The following SEMA5A variants were observed in gnomAD, a reference collection of about 807,000 sequenced individuals.
The protein encoded by SEMA5A is semaphorin-5A.
SEMA5A carries 55 observed loss-of-function variants against 135.5 expected under a neutral mutation model. The ratio of observed to expected loss-of-function variants is 0.41; its 90% CI spans 0.33 to 0.51. The LOEUF (loss-of-function observed/expected upper bound fraction) is 0.51. Ranked by LOEUF, SEMA5A falls within the 20% of genes least tolerant of loss-of-function variation. The probability of loss-of-function intolerance (pLI) is 0.37; values close to 1 mark genes in which losing one functional copy is unlikely to be tolerated. For missense variants in SEMA5A, 1,290 were observed against 1,419.9 expected (o/e 0.91, Z 1.47); for synonymous variants, 580 against 546.5 (o/e 1.06, Z -0.85).
In SEMA5A at chr5:9,207,346, C is replaced by T. The variant is rs531723847; in HGVS notation, c.647-5106G>A. Among the ~76,000 whole-genome samples, 8 of 151,746 alleles carry T rather than the reference C, an allele frequency of 5.3e-5. No homozygotes were observed. In the East Asian group the frequency reaches 7.8e-4, roughly 15 times the overall value. Reference sequence around the variant, plus strand: ...GATTCCAGGTGTGCACCACCACACCCGGCTAATTTTGTATTTTTAATAGAG... The same window carrying T: ...GATTCCAGGTGTGCACCACCACACCTGGCTAATTTTGTATTTTTAATAGAG... On this transcript the variant is annotated intron_variant, in intron 8 of 22. Coordinates refer to ENST00000382496, the MANE Select transcript of SEMA5A (RefSeq NM_003966.3).
At chr5:9,373,858 G>A (rs892643324) in intron 3 of SEMA5A, among the ~76,000 whole-genome samples, 1 of 152,202 alleles carries the variant, frequency 6.6e-6, no homozygotes, top group African/African-American at 2.4e-5. Flanking sequence ...TATAACAGGA[G>A]CATGCTCTCT....
chr5:9,121,719 C>A (rs1740821837), intron 14 of SEMA5A, among the ~76,000 whole-genome samples: 1 of 152,136 alleles, frequency 6.6e-6, no homozygotes, highest in Admixed American at 6.5e-5. Context: ...AAACCCTAAT[C>A]TCTGTGGCCC....
intron 3 of SEMA5A, among the ~76,000 whole-genome samples, chr5:9,355,166 G>T (rs1258045879): frequency 2.0e-5 from 3 of 152,176 alleles, no homozygotes; most frequent in Admixed American, 2.0e-4. Context: ...GGGTGTGGCT[G>T]GGTTCCACTA....
At chr5:9,171,572 T>C (rs1452715995) in intron 11 of SEMA5A, among the ~76,000 whole-genome samples, 1 of 152,178 alleles carries the variant, frequency 6.6e-6, no homozygotes, top group Non-Finnish European at 1.5e-5. Flanking sequence ...GACTTTCCAG[T>C]GAGACTCCCC....
At chr5:9,358,590 C>T (rs1160687262) in intron 3 of SEMA5A, among the ~76,000 whole-genome samples, 4 of 152,212 alleles carry the variant, frequency 2.6e-5, no homozygotes, top group African/African-American at 9.6e-5. Context: ...TCCTACACTC[C>T]CAGTGCCTAA....
chr5:9,090,588 A>G (rs1456764076), intron 16 of SEMA5A, among the ~76,000 whole-genome samples: 1 of 152,232 alleles, frequency 6.6e-6, no homozygotes, highest in African/African-American at 2.4e-5. Context: ...CAAACCTGAA[A>G]CAGACAGTTC....
chr5:9,284,318 C>T (rs576761433), intron 5 of SEMA5A, among the ~76,000 whole-genome samples: 2 of 152,282 alleles, frequency 1.3e-5, no homozygotes, highest in East Asian at 1.9e-4. Context: ...GACTATAAAA[C>T]AGTAGCTAAT....
intron 11 of SEMA5A, among the ~76,000 whole-genome samples, chr5:9,161,327 C>G (rs535812134): frequency 1.6e-4 from 24 of 151,982 alleles, no homozygotes; most frequent in African/African-American, 5.8e-4. Flanking sequence ...AGGTAGGAAC[C>G]GAAAGGGTTT....
intron 8 of SEMA5A, among the ~76,000 whole-genome samples, chr5:9,205,423 A>G (rs1053412692): frequency 1.3e-5 from 2 of 152,148 alleles, no homozygotes; most frequent in Non-Finnish European, 2.9e-5. Flanking sequence ...TGTTTCAAGG[A>G]GGGCCAACCA....
intron 20 of SEMA5A, 135 bp downstream of exon 20, chr5:9,051,738 C>G: frequency 9.3e-7 from 1 of 1,070,412 alleles, no homozygotes; most frequent in East Asian, 2.6e-5. Context: ...GTTTTAAACA[C>G]CTTGAAACCA....
intron 7 of SEMA5A, among the ~76,000 whole-genome samples, chr5:9,226,428 T>A (rs1747313491): frequency 9.8e-6 from 1 of 101,676 alleles, no homozygotes; most frequent in Admixed American, 1.3e-4. Flanking sequence ...AGTTTGCTTA[T>A]TTTTTTTTAC....
chr5:9,473,597 G>A (rs1759560845), intron 1 of SEMA5A, among the ~76,000 whole-genome samples: 1 of 151,874 alleles, frequency 6.6e-6, no homozygotes, highest in African/African-American at 2.4e-5. Flanking sequence ...TAAGGAAGGA[G>A]AGAGAGGAGG....
intron 5 of SEMA5A, among the ~76,000 whole-genome samples, chr5:9,239,594 G>A (rs944779177): frequency 2.6e-5 from 4 of 151,780 alleles, no homozygotes; most frequent in Non-Finnish European, 5.9e-5. Context: ...TCCACGTCTT[G>A]GCCTTTACTT....
Position 9,190,406 on chromosome 5 carries a change from C to A in SEMA5A, c.1134G>T (p.Lys378Asn). ...GTACCACCTCATGCATCAGAATGAA[C>A]TTCTGAGCATCCTGCAGATTTCTCT... is the stretch of plus-strand genomic sequence containing the variant. ...LTERNLQDAQ[K>N]FILMHEVVQP... The change falls in exon 11 of 23, where the codon AAG (lysine) becomes AAT (asparagine). Residue 378 changes from lysine (K) to asparagine (N), a missense_variant. Physicochemically the swap from Lys to Asn is moderately conservative, Grantham distance 94 (BLOSUM62 0). Coordinates refer to ENST00000382496, the MANE Select transcript of SEMA5A (RefSeq NM_003966.3). The A allele has an allele frequency of 6.2e-7, 1 of 1,613,992 alleles. No individual in the cohort carries two copies. Among genetic ancestry groups the A allele is most frequent in the Non-Finnish European group, 8.5e-7 (1 of 1,180,008 alleles).
intron 5 of SEMA5A, among the ~76,000 whole-genome samples, chr5:9,247,523 C>A (rs1423966896): frequency 6.6e-6 from 1 of 152,162 alleles, no homozygotes; most frequent in East Asian, 1.9e-4. Context: ...GGAGCACTTA[C>A]AAAACCCAGA....
chr5:9,088,659 T>TATATATACAC lies in SEMA5A; in HGVS notation c.2073+19480_2073+19481insGTGTATATAT. On this transcript the variant is annotated intron_variant, in intron 16 of 22. Coordinates refer to ENST00000382496, the MANE Select transcript of SEMA5A (RefSeq NM_003966.3). ...TATAATATATATATATATATATATA[T>TATATATACAC]ACACACACACACTCATGGAATTCCA... is the stretch of plus-strand genomic sequence containing the variant. Among the ~76,000 whole-genome samples the TATATATACAC allele has an allele frequency of 5.9e-3, 670 of 112,830 alleles. 14 individuals carry two copies. The highest frequency in any genetic ancestry group is 0.014 in the Middle Eastern group (3 of 220). 74.0% of individuals were successfully genotyped at this position (112,830 alleles called of 152,430 possible).
intron 6 of SEMA5A, among the ~76,000 whole-genome samples, chr5:9,227,842 G>A (rs893197794): frequency 2.6e-5 from 4 of 152,188 alleles, no homozygotes; most frequent in Admixed American, 1.3e-4. Context: ...GAGCCGCCAC[G>A]CCCGGCCTGT....
chr5:9,393,975 TAAG>T lies in SEMA5A; in HGVS notation c.-77-13955_-77-13953del, dbSNP rs1756277467. On this transcript the variant is annotated intron_variant, in intron 2 of 22. Coordinates refer to ENST00000382496, the MANE Select transcript of SEMA5A (RefSeq NM_003966.3). ...CTATATGCAAAGTAAATATTAGAAA[TAAG>T]AACGTTGAGAGAAAAAAGAATAATA... 2.6e-5 allele frequency among the ~76,000 whole-genome samples: 4 copies of T among 152,014 alleles called. No individual in the cohort carries two copies. In the South Asian group the frequency reaches 6.2e-4, roughly 24 times the overall value.
At chr5:9,440,155 C>T (rs1464833194) in intron 1 of SEMA5A, among the ~76,000 whole-genome samples, 1 of 152,200 alleles carries the variant, frequency 6.6e-6, no homozygotes, top group Non-Finnish European at 1.5e-5. Context: ...TGAGTTGGAG[C>T]CAAGCTAGAG....
Sources: gnomAD v4.1 joint callset for allele counts (sites outside exome capture counted in the v4.1 genomes callset) on GRCh38, gnomAD v4.1.1 for gene constraint, MANE v1.5 for transcripts, NCBI Gene and HGNC (gene_info 2026-07-23, HGNC 2026-07-21) for gene names.